The following RPGRIP1L variants were observed in gnomAD, a reference collection of about 807,000 sequenced individuals.
RPGRIP1L encodes the protein RPGRIP1 like.
In RPGRIP1L, 131 loss-of-function variants were observed where a neutral mutation model predicts 160.4. The observed-to-expected ratio is 0.82, with a 90% CI of 0.71 to 0.94. RPGRIP1L has a LOEUF of 0.94. Ranked by LOEUF, RPGRIP1L falls within the 40% of genes least tolerant of loss-of-function variation. The pLI is 0.00. For missense variants in RPGRIP1L, 1,522 were observed against 1,535.8 expected (o/e 0.99, Z 0.15); for synonymous variants, 510 against 515.8 (o/e 0.99, Z 0.15).
chr16:53,650,293 CA>C (rs1966841937), intron 15 of RPGRIP1L, among the ~76,000 whole-genome samples: 2 of 152,160 alleles, frequency 1.3e-5, no homozygotes, highest in African/African-American at 4.8e-5. Context: ...AGGCCCTTAC[CA>C]GATGTGAACA....
intron 25 of RPGRIP1L, 141 bp from the exon 26 acceptor site, chr16:53,605,755 C>T (rs1015284863): frequency 1.2e-6 from 1 of 830,166 alleles, no homozygotes. Flanking sequence ...GTACACTAGG[C>T]TAGATAAGTT....
rs918683949 is a variant in RPGRIP1L, at chr16:53,599,790, C to T, written c.*2286G>A. 1.3e-5 allele frequency: 2 copies of T among 152,172 alleles called. No individual in the cohort carries two copies. The highest frequency in any genetic ancestry group is 4.8e-5 in the African/African-American group (2 of 41,448). The allele number at this position is 152,172 out of a possible 1,614,324, so 9.4% of individuals were successfully genotyped here. ...AAAATTCTCAAACAGATTATGAAACCCAACTGAAGTATCCACATGACAGCG... is the reference window on the plus strand; with the variant it reads ...AAAATTCTCAAACAGATTATGAAACTCAACTGAAGTATCCACATGACAGCG... On this transcript the variant is annotated 3_prime_UTR_variant, in exon 27 of 27. Coordinates refer to ENST00000647211, the MANE Select transcript of RPGRIP1L (RefSeq NM_015272.5).
In RPGRIP1L at chr16:53,599,112, T is replaced by G. The variant is rs1273947095; in HGVS notation, c.*2964A>C. ...TACTAAAATAATTTATGTTTTGTTG[T>G]GGGAACATGAGTGCACGCAAAACCT... On this transcript the variant is annotated 3_prime_UTR_variant, in exon 27 of 27. Transcript: ENST00000647211. 1 of 152,206 alleles carries G rather than the reference T, an allele frequency of 6.6e-6. No individual in the cohort carries two copies. Among genetic ancestry groups the G allele is most frequent in the Non-Finnish European group, 1.5e-5 (1 of 68,036 alleles). The allele number at this position is 152,206 out of a possible 1,614,324, so 9.4% of individuals were successfully genotyped here.
intron 23 of RPGRIP1L, among the ~76,000 whole-genome samples, chr16:53,620,106 A>G (rs1164739971): frequency 6.6e-6 from 1 of 152,144 alleles, no homozygotes; most frequent in Non-Finnish European, 1.5e-5. Context: ...TTCAAATAAT[A>G]ATTAGAAAAA....
At chr16:53,663,864 T>C (rs1375834500) in intron 10 of RPGRIP1L, among the ~76,000 whole-genome samples, 1 of 152,178 alleles carries the variant, frequency 6.6e-6, no homozygotes, top group Non-Finnish European at 1.5e-5. Flanking sequence ...AAAAATGCCA[T>C]CACTTATAAG....
At chr16:53,700,764 C>G in intron 1 of RPGRIP1L, 34 bp from the exon 2 acceptor site, 1 of 1,509,678 alleles carries the variant, frequency 6.6e-7, no homozygotes, top group Non-Finnish European at 9.2e-7. Flanking sequence ...TAAACTCTTT[C>G]CAAATTATTA....
intron 6 of RPGRIP1L, among the ~76,000 whole-genome samples, chr16:53,684,018 G>A (rs1450595333): frequency 2.6e-5 from 4 of 152,064 alleles, no homozygotes; most frequent in Admixed American, 1.3e-4. Flanking sequence ...TGTAAAACCC[G>A]AAACTACAAA....
chr16:53,641,197 T>A (rs554075907), intron 18 of RPGRIP1L, 81 bp from the exon 19 acceptor site: 32 of 1,506,074 alleles, frequency 2.1e-5, no homozygotes, highest in South Asian at 1.0e-4. Context: ...TATTATTATT[T>A]TTTTTTGGTG....
intron 7 of RPGRIP1L, 130 bp downstream of exon 7, chr16:53,674,887 A>G: frequency 3.1e-6 from 2 of 648,528 alleles, no homozygotes; most frequent in East Asian, 5.5e-5. Context: ...ACATTTGTGA[A>G]TACAAAGAAC....
chr16:53,645,816 G>C lies in RPGRIP1L; in HGVS notation c.2492C>G (p.Pro831Arg). 2.5e-6 allele frequency: 4 copies of C among 1,614,112 alleles called. No homozygotes were observed. Among genetic ancestry groups the C allele is most frequent in the South Asian group, 1.1e-5 (1 of 91,080 alleles). The part of the protein sequence containing the change: ...DFADHDTAII[P>R]SSNDPQFDDH... ...ATCAAACTGTGGATCATTGCTACTG[G>C]GAATGATAGCTGTATCATGGTCTGC... Residue 831 changes from proline (P) to arginine (R), a missense_variant, in exon 17 of 27, where the codon CCC (proline) becomes CGC (arginine). By Grantham distance (103) the Pro-to-Arg change is moderately radical (BLOSUM62 -2). Transcript: ENST00000647211.
Position 53,652,855 on chromosome 16 carries a change from A to G in RPGRIP1L, c.1832T>C (p.Ile611Thr), listed in dbSNP as rs931736156. ...TTCAGAAGAAAAGGTTACTTTGTTG[A>G]TATGGATTTCAAATAGATTTTCGCC... ...ERGENLFEIH[I>T]NKVTFSSEVL... Residue 611 changes from isoleucine to threonine, a missense_variant, in exon 15 of 27, where the codon ATC (isoleucine) becomes ACC (threonine). Physicochemically the swap from Ile to Thr is moderately conservative, Grantham distance 89 (BLOSUM62 -1). Coordinates refer to ENST00000647211, the MANE Select transcript of RPGRIP1L (RefSeq NM_015272.5). The G allele has an allele frequency of 1.2e-6, 2 of 1,612,990 alleles. No homozygotes were observed. The highest frequency in any genetic ancestry group is 1.7e-6 in the Non-Finnish European group (2 of 1,179,582).
In RPGRIP1L at chr16:53,608,041, G is replaced by C. The variant is rs527256047; in HGVS notation, c.3702-2427C>G. The C allele has an allele frequency of 3.7e-5, 32 of 858,532 alleles. No homozygotes were observed. In the South Asian group the frequency reaches 1.6e-3, roughly 42 times the overall value. The allele number at this position is 858,532 out of a possible 1,614,324, so 53.2% of individuals were successfully genotyped here. On this transcript the variant is annotated intron_variant, in intron 25 of 26. Coordinates refer to ENST00000647211, the MANE Select transcript of RPGRIP1L (RefSeq NM_015272.5). ...ATGTCAAGCACTCAGGTGGAAGGAA[G>C]AACAGGAAGTGCTACCTGAGCTACT...
Position 53,637,743 on chromosome 16 carries a change from C to T in RPGRIP1L, c.3172G>A (p.Ala1058Thr). ...SEGQLAEQSL[A>T]SSEDETEITE... ...ATTTCTGTTTCATCTTCAGAAGATG[C>T]CAAGCTTTGTTCTGCAAGCTGACCT... is the stretch of plus-strand genomic sequence containing the variant. Residue 1058 changes from alanine to threonine, a missense_variant, in exon 21 of 27, where the codon GCA (alanine) becomes ACA (threonine). Ala to Thr is a moderately conservative substitution (Grantham distance 58). Coordinates refer to ENST00000647211, the MANE Select transcript of RPGRIP1L (RefSeq NM_015272.5). 6.2e-7 allele frequency: 1 copy of T among 1,612,372 alleles called. No individual in the cohort carries two copies. Among genetic ancestry groups the T allele is most frequent in the African/African-American group, 1.3e-5 (1 of 75,002 alleles).
chr16:53,615,686 C>G (rs1964331847), intron 24 of RPGRIP1L, among the ~76,000 whole-genome samples: 1 of 151,756 alleles, frequency 6.6e-6, no homozygotes. Flanking sequence ...GTTGGTCAGG[C>G]TGGTCTCAAA....
chr16:53,657,446 A>G lies in RPGRIP1L; in HGVS notation c.1581+7T>C. 6.3e-7 allele frequency: 1 copy of G among 1,579,854 alleles called. No individual in the cohort carries two copies. The highest frequency in any genetic ancestry group is 8.7e-7 in the Non-Finnish European group (1 of 1,150,572). On this transcript the variant is annotated splice_region_variant and intron_variant, in intron 13 of 26. Coordinates refer to ENST00000647211, the MANE Select transcript of RPGRIP1L (RefSeq NM_015272.5). ...ACTTACTTTCCCCATTTAGTGTATT[A>G]CATTACCTGATAATCTTTATTAATT...
intron 17 of RPGRIP1L, 107 bp from the exon 18 acceptor site, chr16:53,641,582 T>C (rs953608230): frequency 3.0e-6 from 3 of 1,012,138 alleles, no homozygotes; most frequent in Admixed American, 2.0e-5. Context: ...TGCTCTACCA[T>C]GTGAACTAGC....
chr16:53,660,147 G>C (rs1967649857), intron 10 of RPGRIP1L, among the ~76,000 whole-genome samples: 1 of 152,214 alleles, frequency 6.6e-6, no homozygotes, highest in South Asian at 2.1e-4. Context: ...CACAGTATTT[G>C]ATAATCTCAC....
At chr16:53,653,371 T>C (rs184155333) in intron 14 of RPGRIP1L, 2 of 1,045,982 alleles carry the variant, frequency 1.9e-6, no homozygotes, top group Non-Finnish European at 2.3e-6. Flanking sequence ...GCTGCCTCCT[T>C]TCCTTTAACT....
chr16:53,650,147 G>A (rs968812160), intron 15 of RPGRIP1L, among the ~76,000 whole-genome samples: 40 of 152,150 alleles, frequency 2.6e-4, no homozygotes, highest in African/African-American at 9.4e-4. Context: ...AGAGTATTAC[G>A]AGTAGGACCT....
Sources: gnomAD v4.1 joint callset for allele counts (sites outside exome capture counted in the v4.1 genomes callset) on GRCh38, gnomAD v4.1.1 for gene constraint, MANE v1.5 for transcripts, NCBI Gene and HGNC (gene_info 2026-07-23, HGNC 2026-07-21) for gene names.